The following UBE2E2 variants were observed in gnomAD, a reference collection of about 807,000 sequenced individuals.
UBE2E2 encodes ubiquitin-conjugating enzyme E2 E2.
In UBE2E2, 6 loss-of-function variants were observed where a neutral mutation model predicts 24.7. The observed-to-expected ratio is 0.24, with a 90% confidence interval of 0.13 to 0.48. UBE2E2 has a LOEUF of 0.48. Among genes scored for constraint, UBE2E2 ranks in the 20% least tolerant of loss-of-function variants. The probability of loss-of-function intolerance (pLI) is 0.99; values close to 1 mark genes in which losing one functional copy is unlikely to be tolerated. For synonymous variants in UBE2E2, 104 were observed against 83.6 expected, an observed-to-expected ratio of 1.24 and a Z score of -1.33; for missense variants, 169 against 245.0, an observed-to-expected ratio of 0.69 and a Z score of 2.07.
chr3:23,566,196 C>T (rs1696068695), intron 5 of UBE2E2, among the ~76,000 whole-genome samples: 1 of 152,190 alleles, frequency 6.6e-6, no homozygotes, highest in African/African-American at 2.4e-5. Flanking sequence ...AGCATTGGAA[C>T]AGTCCCTGCT....
chr3:23,288,643 C>A (rs1214646751), intron 3 of UBE2E2, among the ~76,000 whole-genome samples: 8 of 152,052 alleles, frequency 5.3e-5, no homozygotes, highest in Admixed American at 5.2e-4. Flanking sequence ...GCTGAATTGA[C>A]CCTTTATCAT....
intron 3 of UBE2E2, among the ~76,000 whole-genome samples, chr3:23,332,675 GTGTGTGTGTGTGTGT>G (rs1293619757): frequency 2.3e-4 from 25 of 106,542 alleles, no homozygotes; most frequent in African/African-American, 6.5e-4. Flanking sequence ...AGCCAGTGGG[GTGTGTGTGTGTGTGT>G]GTGTGTGTGT....
intron 5 of UBE2E2, among the ~76,000 whole-genome samples, chr3:23,569,752 C>T (rs1024239926): frequency 6.6e-6 from 1 of 152,126 alleles, no homozygotes; most frequent in East Asian, 1.9e-4. Flanking sequence ...TGAGTTTATT[C>T]TAAAAGGACA....
chr3:23,396,463 C>T (rs1287582126), intron 3 of UBE2E2, among the ~76,000 whole-genome samples: 2 of 151,568 alleles, frequency 1.3e-5, no homozygotes, highest in East Asian at 1.9e-4. Context: ...CACATACATA[C>T]ATATACATAT....
At chr3:23,518,974 A>G (rs1285558186) in intron 4 of UBE2E2, among the ~76,000 whole-genome samples, 2 of 152,232 alleles carry the variant, frequency 1.3e-5, no homozygotes, top group Non-Finnish European at 2.9e-5. Context: ...AACGAACATC[A>G]TATAACAATC....
intron 3 of UBE2E2, among the ~76,000 whole-genome samples, chr3:23,405,540 A>G (rs1695205): frequency 0.16 from 23,831 of 152,030 alleles, 1,993 homozygotes; most frequent in South Asian, 0.22. Flanking sequence ...TTTCCCCATA[A>G]AATTTTATTA....
At chr3:23,458,946 G>A (rs1698743074) in intron 3 of UBE2E2, among the ~76,000 whole-genome samples, 1 of 152,152 alleles carries the variant, frequency 6.6e-6, no homozygotes, top group East Asian at 1.9e-4. Flanking sequence ...CCTGTAAATG[G>A]CAGTAAATCA....
intron 3 of UBE2E2, among the ~76,000 whole-genome samples, chr3:23,292,992 G>C (rs575411699): frequency 6.6e-6 from 1 of 152,320 alleles, no homozygotes; most frequent in South Asian, 2.1e-4. Flanking sequence ...AGAATCGCTT[G>C]AACCTGGGAG....
intron 3 of UBE2E2, chr3:23,389,880 A>T (rs1575600702): frequency 6.3e-6 from 1 of 159,282 alleles, no homozygotes; most frequent in Non-Finnish European, 1.4e-5. Flanking sequence ...CCAGTTCAAC[A>T]CCTGCAGGTG....
intron 3 of UBE2E2, among the ~76,000 whole-genome samples, chr3:23,248,325 G>C (rs1575502063): frequency 6.6e-6 from 1 of 152,222 alleles, no homozygotes; most frequent in Admixed American, 6.5e-5. Context: ...ATATGTAGGA[G>C]AGGAATTTCT....
chr3:23,419,155 A>C lies in UBE2E2; in HGVS notation c.228-80453A>C, dbSNP rs1239970909. 5.3e-5 allele frequency among the ~76,000 whole-genome samples: 8 copies of C among 151,878 alleles called. No homozygotes were observed. The East Asian group carries it at 1.6e-3, about 29-fold the overall frequency. On this transcript the variant is annotated intron_variant, in intron 3 of 5. Coordinates refer to ENST00000396703, the MANE Select transcript of UBE2E2 (RefSeq NM_152653.4). ...TTTTATGTTTTATTTTGTAGATGTG[A>C]GGTTTTGCTGTGTTGTCCAGGCTGG...
chr3:23,249,241 C>T (rs1575502724), intron 3 of UBE2E2, among the ~76,000 whole-genome samples: 1 of 149,206 alleles, frequency 6.7e-6, no homozygotes, highest in Non-Finnish European at 1.5e-5. Context: ...CACCACACCC[C>T]AGCCTGGGCA....
chr3:23,453,283 A>G (rs750186159), intron 3 of UBE2E2, among the ~76,000 whole-genome samples: 2 of 152,128 alleles, frequency 1.3e-5, no homozygotes, highest in Non-Finnish European at 2.9e-5. Context: ...AAAATGAGCA[A>G]CTATTTTTTA....
At chr3:23,439,293 C>G (rs1430174645) in intron 3 of UBE2E2, among the ~76,000 whole-genome samples, 1 of 152,226 alleles carries the variant, frequency 6.6e-6, no homozygotes, top group Non-Finnish European at 1.5e-5. Flanking sequence ...TCCTTCCTGA[C>G]TGGCCATCAC....
chr3:23,205,675 A>G (rs1487616325), intron 1 of UBE2E2, among the ~76,000 whole-genome samples: 1 of 152,202 alleles, frequency 6.6e-6, no homozygotes, highest in African/African-American at 2.4e-5. Flanking sequence ...GTAGGTTAAC[A>G]TTTGGATGAA....
At chr3:23,357,345 C>G (rs1695984666) in intron 3 of UBE2E2, among the ~76,000 whole-genome samples, 1 of 151,854 alleles carries the variant, frequency 6.6e-6, no homozygotes, top group African/African-American at 2.4e-5. Context: ...AAAATATTTC[C>G]TAAAGGGCAG....
At chr3:23,456,645 G>A (rs1045209313) in intron 3 of UBE2E2, among the ~76,000 whole-genome samples, 3 of 152,176 alleles carry the variant, frequency 2.0e-5, no homozygotes, top group Non-Finnish European at 4.4e-5. Context: ...TTGAACAGTA[G>A]GTCTCAACAG....
intron 3 of UBE2E2, among the ~76,000 whole-genome samples, chr3:23,372,454 A>G (rs1052600549): frequency 1.3e-5 from 2 of 152,184 alleles, no homozygotes; most frequent in African/African-American, 4.8e-5. Context: ...TTGCCTCTGC[A>G]CTATTAGTTG....
intron 3 of UBE2E2, among the ~76,000 whole-genome samples, chr3:23,335,271 G>T (rs1363353772): frequency 6.6e-6 from 1 of 152,092 alleles, no homozygotes; most frequent in Non-Finnish European, 1.5e-5. Flanking sequence ...ATATGGTAAA[G>T]ACGAAGAAAA....
Sources: allele counts gnomAD v4.1 joint callset (sites outside exome capture counted in the v4.1 genomes callset), GRCh38; gene constraint gnomAD v4.1.1; transcripts MANE v1.5; gene names NCBI Gene and HGNC (gene_info 2026-07-23, HGNC 2026-07-21).